The following ASPH variants were observed in gnomAD, a reference collection of about 807,000 sequenced individuals.
ASPH encodes aspartate beta-hydroxylase.
Under a neutral mutation model 118.4 loss-of-function variants are expected in ASPH, and 100 were observed. The observed-to-expected ratio is 0.84, with a 90% CI of 0.72 to 1.00. The LOEUF (loss-of-function observed/expected upper bound fraction) is 1.00, where lower values mean the gene tolerates loss of function less well. ASPH is among the 50% of genes least tolerant of loss of function. The pLI is 0.00. For missense variants in ASPH, 920 were observed against 919.5 expected (o/e 1.00, Z -0.01); for synonymous variants, 315 against 325.6 (o/e 0.97, Z 0.35).
chr8:61,598,594 A>C (rs1171647495), intron 14 of ASPH, among the ~76,000 whole-genome samples: 1 of 152,198 alleles, frequency 6.6e-6, no homozygotes, highest in African/African-American at 2.4e-5. Flanking sequence ...TAGACAGAAA[A>C]CCAACAAAAT....
intron 10 of ASPH, among the ~76,000 whole-genome samples, chr8:61,642,623 T>C (rs1448282291): frequency 1.3e-5 from 2 of 152,158 alleles, no homozygotes; most frequent in Admixed American, 1.3e-4. Flanking sequence ...CCTAGCACTT[T>C]GGGAGGCCAA....
intron 14 of ASPH, among the ~76,000 whole-genome samples, chr8:61,599,577 T>TA (rs1285664234): frequency 2.1e-4 from 31 of 146,302 alleles, no homozygotes; most frequent in African/African-American, 7.8e-4. Context: ...AAATCAGAAA[T>TA]AAAAATGAGA....
At chr8:61,607,623 G>A (rs1406195778) in intron 14 of ASPH, among the ~76,000 whole-genome samples, 4 of 120,800 alleles carry the variant, frequency 3.3e-5, no homozygotes, top group Admixed American at 1.7e-4. Context: ...AAGAGTTAAA[G>A]GAAAAAAAAA....
At chr8:61,576,139 T>C (rs1835056380) in intron 16 of ASPH, among the ~76,000 whole-genome samples, 1 of 152,190 alleles carries the variant, frequency 6.6e-6, no homozygotes, top group Non-Finnish European at 1.5e-5. Flanking sequence ...CTGTGAGACC[T>C]CTTGTAGCTG....
At chr8:61,553,661 G>C (rs1826825066) in intron 19 of ASPH, among the ~76,000 whole-genome samples, 1 of 151,270 alleles carries the variant, frequency 6.6e-6, no homozygotes, top group Non-Finnish European at 1.5e-5. Context: ...CTTTAAAAAT[G>C]TAATTTTTAT....
At chr8:61,704,288 G>A (rs1382304594) in intron 1 of ASPH, among the ~76,000 whole-genome samples, 7 of 143,084 alleles carry the variant, frequency 4.9e-5, no homozygotes, top group African/African-American at 1.8e-4. Context: ...TTTTGACAAA[G>A]GCACCAAAAG....
At chr8:61,626,277 G>C in intron 13 of ASPH, 1 of 1,565,008 alleles carries the variant, frequency 6.4e-7, no homozygotes, top group African/African-American at 1.4e-5. Context: ...GAAGCTTTAA[G>C]TATCTGCAAA....
At position 61,714,458 on chromosome 8, in the gene ASPH, G is replaced by GCGGGCCGCTGGAGCGGGTT; in HGVS notation, c.-106_-88dup. On this transcript the variant is annotated 5_prime_UTR_variant, in exon 1 of 25. Coordinates refer to ENST00000379454, the MANE Select transcript of ASPH (RefSeq NM_004318.4). The stretch of plus-strand genomic sequence containing the variant: ...CGCGACGCGGGAACCGCTGGCGGCG[G>GCGGGCCGCTGGAGCGGGTT]CGGGCCGCTGGAGCGGGTTCGGGCC... The GCGGGCCGCTGGAGCGGGTT allele has an allele frequency of 1.5e-6, 2 of 1,362,498 alleles. No individual in the cohort carries two copies. The highest frequency in any genetic ancestry group is 1.5e-5 in the African/African-American group (1 of 65,254). 84.4% of individuals were successfully genotyped at this position (1,362,498 alleles called of 1,614,324 possible).
intron 3 of ASPH, chr8:61,664,759 A>AG (rs1818651828): frequency 8.1e-6 from 8 of 986,198 alleles, no homozygotes; most frequent in Non-Finnish European, 8.4e-6. Context: ...GCTGGAGAGG[A>AG]GGGAAGGTGG....
intron 1 of ASPH, among the ~76,000 whole-genome samples, chr8:61,711,225 G>T (rs1422253291): frequency 6.6e-6 from 1 of 152,116 alleles, no homozygotes; most frequent in Non-Finnish European, 1.5e-5. Flanking sequence ...GCTGCTAGGA[G>T]ATACAGGGAG....
rs1831950989 is a variant in ASPH, at chr8:61,689,599, GCAC to G, written c.104-5414_104-5412del. On this transcript the variant is annotated intron_variant, in intron 1 of 24. Transcript: ENST00000379454. ...ACTTAGCCAAAAATATTTTAACAGA[GCAC>G]CACTGAAAATAAAGTGAAAAGCTGT... The G allele has an allele frequency of 3.6e-6, 5 of 1,408,038 alleles. No homozygotes were observed. In the Admixed American group the frequency reaches 1.0e-4, roughly 28 times the overall value. The allele number at this position is 1,408,038 out of a possible 1,614,324, so 87.2% of individuals were successfully genotyped here.
At chr8:61,583,897 T>C (rs201137191) in intron 15 of ASPH, 47 bp downstream of exon 15, 2 of 1,276,686 alleles carry the variant, frequency 1.6e-6, no homozygotes, top group East Asian at 4.7e-5. Context: ...GAGTAATGCC[T>C]GAGTTTATTT....
intron 15 of ASPH, chr8:61,579,169 T>G: frequency 6.2e-7 from 1 of 1,611,836 alleles, no homozygotes; most frequent in Non-Finnish European, 8.5e-7. Context: ...ATCAGCCAGC[T>G]CCAGGCTGAG....
chr8:61,529,237 G>C (rs964132445), intron 21 of ASPH, among the ~76,000 whole-genome samples: 1 of 152,176 alleles, frequency 6.6e-6, no homozygotes, highest in African/African-American at 2.4e-5. Context: ...GACTCAAGGG[G>C]CCCTGCTCCC....
chr8:61,708,472 T>G (rs945976055), intron 1 of ASPH, among the ~76,000 whole-genome samples: 5 of 152,206 alleles, frequency 3.3e-5, no homozygotes, highest in Non-Finnish European at 7.3e-5. Flanking sequence ...AAAAGAGTCT[T>G]TCCAGTATAC....
chr8:61,690,871 C>G (rs932861114), intron 1 of ASPH, among the ~76,000 whole-genome samples: 1 of 151,878 alleles, frequency 6.6e-6, no homozygotes, highest in African/African-American at 2.4e-5. Context: ...ACCACTAGAT[C>G]AATTTTTCAA....
chr8:61,618,867 C>G, intron 14 of ASPH, 111 bp downstream of exon 14: 2 of 917,488 alleles, frequency 2.2e-6, no homozygotes, highest in Admixed American at 2.8e-5. Flanking sequence ...AACCCAGGAG[C>G]AAATTCTTTT....
chr8:61,690,657 G>C (rs1052319072), intron 1 of ASPH, among the ~76,000 whole-genome samples: 2 of 152,116 alleles, frequency 1.3e-5, no homozygotes, highest in African/African-American at 2.4e-5. Context: ...ATAGTATCTA[G>C]AGCAGGCAGC....
chr8:61,670,519 C>T (rs182637366), intron 3 of ASPH, among the ~76,000 whole-genome samples: 6 of 152,036 alleles, frequency 3.9e-5, no homozygotes, highest in Non-Finnish European at 8.8e-5. Context: ...CTCACATCAG[C>T]CTTCCTCATT....
Sources: gnomAD v4.1 joint callset for allele counts (sites outside exome capture counted in the v4.1 genomes callset) on GRCh38, gnomAD v4.1.1 for gene constraint, MANE v1.5 for transcripts, NCBI Gene and HGNC (gene_info 2026-07-23, HGNC 2026-07-21) for gene names.